Variants in PCDH9 observed in about 807,000 individuals in gnomAD.
The protein encoded by PCDH9 is protocadherin 9.
In PCDH9, 24 loss-of-function variants were observed where a neutral mutation model predicts 70.6. The ratio of observed to expected loss-of-function variants is 0.34; its 90% CI spans 0.25 to 0.48. The LOEUF (loss-of-function observed/expected upper bound fraction) is 0.48, where lower values mean the gene tolerates loss of function less well. Ranked by LOEUF, PCDH9 falls within the 20% of genes least tolerant of loss-of-function variation. PCDH9 has a pLI of 0.99. For synonymous variants in PCDH9, 562 were observed against 558.5 expected, an observed-to-expected ratio of 1.01 and a Z score of -0.09; for missense variants, 1,281 against 1,503.6, an observed-to-expected ratio of 0.85 and a Z score of 2.45.
chr13:66,935,993 G>A (rs1411736224), intron 2 of PCDH9, among the ~76,000 whole-genome samples: 1 of 152,182 alleles, frequency 6.6e-6, no homozygotes, highest in East Asian at 1.9e-4. Flanking sequence ...GCTGAGGCAG[G>A]AGGATCGTTG....
intron 4 of PCDH9, among the ~76,000 whole-genome samples, chr13:66,484,261 A>G (rs1392325903): frequency 6.6e-6 from 1 of 152,076 alleles, no homozygotes; most frequent in Non-Finnish European, 1.5e-5. Flanking sequence ...ATGGCAAACT[A>G]AGAGAGCACC....
At chr13:67,217,132 G>C (rs1193824057) in intron 2 of PCDH9, 2 of 152,020 alleles carry the variant, frequency 1.3e-5, no homozygotes, top group Admixed American at 6.6e-5. Flanking sequence ...AAAACCACCA[G>C]TATTTTTCTT....
chr13:67,149,848 A>G (rs1438816586), intron 2 of PCDH9, among the ~76,000 whole-genome samples: 1 of 152,146 alleles, frequency 6.6e-6, no homozygotes, highest in Non-Finnish European at 1.5e-5. Flanking sequence ...TTTAATCGTT[A>G]TGAACACCCC....
At chr13:67,055,999 T>TA (rs2085413164) in intron 2 of PCDH9, among the ~76,000 whole-genome samples, 1 of 151,994 alleles carries the variant, frequency 6.6e-6, no homozygotes, top group Admixed American at 6.6e-5. Flanking sequence ...TGAAATTTTT[T>TA]AAAAAAGAAC....
intron 4 of PCDH9, among the ~76,000 whole-genome samples, chr13:66,552,018 G>A (rs556990124): frequency 6.6e-6 from 1 of 152,050 alleles, no homozygotes; most frequent in South Asian, 2.1e-4. Context: ...TATTAATGTT[G>A]CTTGTCTTAT....
chr13:67,000,359 A>T (rs995224398), intron 2 of PCDH9, among the ~76,000 whole-genome samples: 5 of 150,494 alleles, frequency 3.3e-5, no homozygotes, highest in Admixed American at 1.3e-4. Context: ...GAGGGATAGC[A>T]CTAGGAGATA....
chr13:67,101,455 G>T (rs1444271330), intron 2 of PCDH9, among the ~76,000 whole-genome samples: 1 of 152,180 alleles, frequency 6.6e-6, no homozygotes, highest in Non-Finnish European at 1.5e-5. Flanking sequence ...TTGCTTAGTT[G>T]CCAGTGAAGT....
At chr13:66,681,983 T>TTTTTGTTTTG in intron 3 of PCDH9, among the ~76,000 whole-genome samples, 1 of 98,808 alleles carries the variant, frequency 1.0e-5, no homozygotes, top group African/African-American at 4.6e-5. Flanking sequence ...GAGATTTTGG[T>TTTTTGTTTTG]TTTTGTTTTG....
At chr13:67,052,575 G>A (rs1474995423) in intron 2 of PCDH9, among the ~76,000 whole-genome samples, 1 of 152,014 alleles carries the variant, frequency 6.6e-6, no homozygotes, top group Non-Finnish European at 1.5e-5. Context: ...AATCACAACT[G>A]TAGGTTGCAT....
chr13:66,554,841 T>C (rs966327066), intron 4 of PCDH9, among the ~76,000 whole-genome samples: 2 of 152,106 alleles, frequency 1.3e-5, no homozygotes, highest in Non-Finnish European at 2.9e-5. Context: ...GAACATAATA[T>C]ACAATATAAG....
intron 3 of PCDH9, among the ~76,000 whole-genome samples, chr13:66,788,644 A>T (rs1389716175): frequency 7.1e-6 from 1 of 139,884 alleles, no homozygotes; most frequent in African/African-American, 2.7e-5. Flanking sequence ...AAAGCTAAAC[A>T]GTAATTTTTT....
intron 2 of PCDH9, among the ~76,000 whole-genome samples, chr13:66,950,461 T>C (rs919270977): frequency 6.6e-6 from 1 of 152,076 alleles, no homozygotes; most frequent in African/African-American, 2.4e-5. Context: ...TTGGGAAACA[T>C]GGAAAGTTCT....
At chr13:66,580,312 T>TTGTTTG (rs2076873004) in intron 4 of PCDH9, among the ~76,000 whole-genome samples, 1 of 151,998 alleles carries the variant, frequency 6.6e-6, no homozygotes, top group African/African-American at 2.4e-5. Context: ...ATTATTTTCT[T>TTGTTTG]ACTAGGTTGT....
At chr13:67,058,058 T>A (rs1481186090) in intron 2 of PCDH9, among the ~76,000 whole-genome samples, 7 of 152,298 alleles carry the variant, frequency 4.6e-5, no homozygotes, top group Middle Eastern at 6.8e-3. Flanking sequence ...CAAGAAGGCA[T>A]TATGTCAGAG....
chr13:66,474,821 C>G (rs895282539), intron 4 of PCDH9, among the ~76,000 whole-genome samples: 8 of 151,982 alleles, frequency 5.3e-5, no homozygotes, highest in African/African-American at 1.9e-4. Flanking sequence ...ATGTGAAATT[C>G]CAGAGTTCTT....
intron 4 of PCDH9, among the ~76,000 whole-genome samples, chr13:66,573,367 A>G (rs1234637800): frequency 6.6e-6 from 1 of 150,400 alleles, no homozygotes. Flanking sequence ...TTCTCCCACC[A>G]TTCTATACAT....
At chr13:66,847,437 C>G (rs1353874224) in intron 3 of PCDH9, among the ~76,000 whole-genome samples, 1 of 152,110 alleles carries the variant, frequency 6.6e-6, no homozygotes, top group Non-Finnish European at 1.5e-5. Context: ...TACATACATA[C>G]ATAATAAAGT....
chr13:66,668,567 T>C (rs575203844), intron 3 of PCDH9, among the ~76,000 whole-genome samples: 1 of 152,280 alleles, frequency 6.6e-6, no homozygotes, highest in East Asian at 1.9e-4. Flanking sequence ...CTAAGTAATC[T>C]AAATAGCCCC....
chr13:67,037,316 A>G (rs1372235010), intron 2 of PCDH9, among the ~76,000 whole-genome samples: 1 of 152,156 alleles, frequency 6.6e-6, no homozygotes, highest in Admixed American at 6.6e-5. Flanking sequence ...TGGTTTATGA[A>G]CTTGGCTTCT....
Sources: allele counts gnomAD v4.1 joint callset (sites outside exome capture counted in the v4.1 genomes callset), GRCh38; gene constraint gnomAD v4.1.1; transcripts MANE v1.5; gene names NCBI Gene and HGNC (gene_info 2026-07-23, HGNC 2026-07-21).